PDE4B: variants seen among roughly 807,000 people sequenced by gnomAD.
PDE4B encodes the protein 3',5'-cyclic-AMP phosphodiesterase 4B.
In PDE4B, 20 loss-of-function variants were observed where a neutral mutation model predicts 82.2. The ratio of observed to expected loss-of-function variants is 0.24; its 90% CI spans 0.17 to 0.35. The LOEUF (loss-of-function observed/expected upper bound fraction) is 0.35. Ranked by LOEUF, PDE4B falls within the 10% of genes least tolerant of loss-of-function variation. The pLI is 1.00. For missense variants in PDE4B, 655 were observed against 907.2 expected (o/e 0.72, Z 3.57); for synonymous variants, 320 against 318.9 (o/e 1.00, Z -0.04).
chr1:66,332,581 A>C lies in PDE4B; in HGVS notation c.708A>C (p.Ile236=), dbSNP rs760314780. 1 of 1,614,108 alleles carries C rather than the reference A, an allele frequency of 6.2e-7. No homozygotes were observed. Among genetic ancestry groups the C allele is most frequent in the Middle Eastern group, 1.6e-4 (1 of 6,062 alleles). The part of the protein sequence containing the change: ...LDWCLDQLET[I]QTYRSVSEMA... ...GGTGTTTAGACCAGCTAGAGACCAT[A>C]CAGACCTACCGGTCTGTCAGTGAGA... Residue 236 remains isoleucine, a synonymous_variant, in exon 8 of 17, where the codon ATA becomes ATC. Coordinates refer to ENST00000341517, the MANE Select transcript of PDE4B (RefSeq NM_002600.4).
intron 3 of PDE4B, among the ~76,000 whole-genome samples, chr1:66,220,375 C>T (rs955496804): frequency 2.6e-5 from 4 of 152,250 alleles, no homozygotes; most frequent in Non-Finnish European, 1.5e-5. Flanking sequence ...ATTGTCTCTT[C>T]ATAAGTTCCA....
chr1:66,203,502 G>T lies in PDE4B; in HGVS notation c.282-43958G>T, dbSNP rs373619358. Among the ~76,000 whole-genome samples the T allele has an allele frequency of 8.5e-5, 13 of 152,248 alleles. 1 individual carries two copies. The East Asian group carries it at 2.3e-3, about 27-fold the overall frequency. On this transcript the variant is annotated intron_variant, in intron 3 of 16. Coordinates refer to ENST00000341517, the MANE Select transcript of PDE4B (RefSeq NM_002600.4). ...GGTACACCAATCAGACGTAGATTTG[G>T]TCTTTTCACATAGTCCCATATGTCT...
At chr1:66,182,950 C>A (rs981877586) in intron 3 of PDE4B, among the ~76,000 whole-genome samples, 10 of 152,204 alleles carry the variant, frequency 6.6e-5, no homozygotes, top group African/African-American at 2.2e-4. Flanking sequence ...ATTGCGTAAG[C>A]CCTTCTGAAA....
chr1:66,211,874 GC>G (rs1650079484), intron 3 of PDE4B, among the ~76,000 whole-genome samples: 1 of 152,162 alleles, frequency 6.6e-6, no homozygotes, highest in Non-Finnish European at 1.5e-5. Flanking sequence ...ATCCCAGCTG[GC>G]GGATATTCTT....
chr1:66,258,552 A>G (rs1236554517), intron 6 of PDE4B, among the ~76,000 whole-genome samples: 3 of 152,202 alleles, frequency 2.0e-5, no homozygotes, highest in African/African-American at 4.8e-5. Flanking sequence ...AGAGAGTCAT[A>G]GAACCCGTGA....
At chr1:66,359,923 GT>G (rs1662615785) in intron 9 of PDE4B, among the ~76,000 whole-genome samples, 2 of 152,190 alleles carry the variant, frequency 1.3e-5, no homozygotes, top group Non-Finnish European at 2.9e-5. Context: ...CTGGAGCAAA[GT>G]AATTGCAAAA....
At chr1:65,839,064 T>C (rs2101334950) in intron 1 of PDE4B, among the ~76,000 whole-genome samples, 2 of 152,276 alleles carry the variant, frequency 1.3e-5, no homozygotes, top group African/African-American at 4.8e-5. Flanking sequence ...GTGTAAGATA[T>C]CGAATTTTTG....
At chr1:66,193,900 C>T (rs899365453) in intron 3 of PDE4B, among the ~76,000 whole-genome samples, 1 of 151,448 alleles carries the variant, frequency 6.6e-6, no homozygotes, top group Non-Finnish European at 1.5e-5. Flanking sequence ...CTAGTTCACC[C>T]TTCTGTCTGA....
At chr1:66,200,166 C>A (rs1004313615) in intron 3 of PDE4B, among the ~76,000 whole-genome samples, 13 of 152,086 alleles carry the variant, frequency 8.5e-5, no homozygotes, top group African/African-American at 2.7e-4. Context: ...AGATATATGG[C>A]ATTATTTCCG....
chr1:66,037,563 T>C (rs1292983280), intron 3 of PDE4B, among the ~76,000 whole-genome samples: 2 of 152,140 alleles, frequency 1.3e-5, no homozygotes, highest in African/African-American at 2.4e-5. Context: ...TGTCAGCAAA[T>C]GAAGATGATT....
In PDE4B at chr1:65,963,414, T is replaced by G. The variant is rs1268513594; in HGVS notation, c.281+44579T>G. 7.9e-5 allele frequency among the ~76,000 whole-genome samples: 12 copies of G among 152,322 alleles called. No homozygotes were observed. In the South Asian group the frequency reaches 2.5e-3, roughly 32 times the overall value. ...GTCGCAGCTGTCAGTAAATGCCTAC[T>G]GCATTAATGCTTGAGGTGTCCCTCA... On this transcript the variant is annotated intron_variant, in intron 3 of 16. Coordinates refer to ENST00000341517, the MANE Select transcript of PDE4B (RefSeq NM_002600.4).
At chr1:65,815,694 A>C (rs971303979) in intron 1 of PDE4B, among the ~76,000 whole-genome samples, 1 of 152,220 alleles carries the variant, frequency 6.6e-6, no homozygotes, top group South Asian at 2.1e-4. Context: ...AAGCTAAAAA[A>C]ATTTAAACTG....
intron 3 of PDE4B, among the ~76,000 whole-genome samples, chr1:65,963,534 T>C (rs1459697926): frequency 2.0e-5 from 3 of 152,220 alleles, no homozygotes; most frequent in Admixed American, 6.5e-5. Flanking sequence ...CACCAGCTTC[T>C]CAGAGGATTT....
chr1:66,282,432 C>G (rs1018625694), intron 7 of PDE4B, among the ~76,000 whole-genome samples: 1 of 152,182 alleles, frequency 6.6e-6, no homozygotes, highest in Admixed American at 6.5e-5. Context: ...AAAAGACACC[C>G]CCAGCCTCTG....
At chr1:65,841,513 G>A (rs974434144) in intron 1 of PDE4B, among the ~76,000 whole-genome samples, 5 of 152,070 alleles carry the variant, frequency 3.3e-5, no homozygotes, top group African/African-American at 1.2e-4. Context: ...CCTCAAACTA[G>A]GGATTTCTCC....
chr1:66,043,549 A>G (rs1654510331), intron 3 of PDE4B, among the ~76,000 whole-genome samples: 1 of 151,758 alleles, frequency 6.6e-6, no homozygotes, highest in South Asian at 2.1e-4. Context: ...ACCTGAGAGC[A>G]GCTGCTCTTT....
chr1:65,955,574 T>A (rs1649215672), intron 3 of PDE4B, among the ~76,000 whole-genome samples: 1 of 152,146 alleles, frequency 6.6e-6, no homozygotes. Flanking sequence ...GGTAACAGAT[T>A]TGGGATTCGA....
intron 3 of PDE4B, among the ~76,000 whole-genome samples, chr1:66,168,715 T>C (rs1166296820): frequency 1.3e-5 from 2 of 152,162 alleles, no homozygotes; most frequent in African/African-American, 4.8e-5. Flanking sequence ...CTGAGTTACA[T>C]TTCTAAAGAG....
intron 3 of PDE4B, among the ~76,000 whole-genome samples, chr1:65,955,874 GC>G (rs1191356911): frequency 1.3e-5 from 2 of 152,054 alleles, no homozygotes; most frequent in Non-Finnish European, 2.9e-5. Context: ...CTAAGAGAGC[GC>G]CTGGAATATA....
Sources: gnomAD v4.1 joint callset for allele counts (sites outside exome capture counted in the v4.1 genomes callset) on GRCh38, gnomAD v4.1.1 for gene constraint, MANE v1.5 for transcripts, NCBI Gene and HGNC (gene_info 2026-07-23, HGNC 2026-07-21) for gene names.